The following WSB1 variants were observed in gnomAD, a reference collection of about 807,000 sequenced individuals.
WSB1 encodes the protein WD repeat and SOCS box-containing protein 1.
Under a neutral mutation model 50.2 loss-of-function variants are expected in WSB1, and 23 were observed. That is an observed-to-expected ratio of 0.46 (90% CI 0.33 to 0.65). WSB1 has a LOEUF of 0.65. Among genes scored for constraint, WSB1 ranks in the 30% least tolerant of loss-of-function variants. The probability of loss-of-function intolerance (pLI) is 0.02; values close to 1 mark genes in which losing one functional copy is unlikely to be tolerated. For synonymous variants in WSB1, 179 were observed against 172.0 expected, an observed-to-expected ratio of 1.04 and a Z score of -0.32; for missense variants, 492 against 522.3, an observed-to-expected ratio of 0.94 and a Z score of 0.56.
intron 3 of WSB1, among the ~76,000 whole-genome samples, chr17:27,303,966 C>G (rs754966191): frequency 3.0e-4 from 45 of 152,038 alleles, no homozygotes; most frequent in Non-Finnish European, 5.7e-4. Context: ...TATGCTTTTT[C>G]AATGATTGAT....
In WSB1 at chr17:27,294,809, T is replaced by C. The variant is rs191737087; in HGVS notation, c.40+374T>C. 7.0e-4 allele frequency among the ~76,000 whole-genome samples: 107 copies of C among 152,174 alleles called. 1 individual carries two copies. The highest frequency in any genetic ancestry group is 1.2e-3 in the Non-Finnish European group (82 of 67,986). ...TTTACAATGGGGAAAAGTAAACTTGTGGGTTGTAAGCGGTAATGAAAGGAG... is the reference window on the plus strand; with the variant it reads ...TTTACAATGGGGAAAAGTAAACTTGCGGGTTGTAAGCGGTAATGAAAGGAG... On this transcript the variant is annotated intron_variant, in intron 1 of 8. Transcript: ENST00000262394.
intron 2 of WSB1, 78 bp downstream of exon 2, chr17:27,302,034 A>T: frequency 1.4e-6 from 2 of 1,405,294 alleles, no homozygotes; most frequent in South Asian, 3.1e-5. Context: ...TAATAAAAAC[A>T]TTTTGATATT....
rs1049159131 is a variant in WSB1 at position 27,313,231 on chromosome 17, G to A, written c.*862G>A. 13 of 151,432 alleles carry A rather than the reference G, an allele frequency of 8.6e-5. No individual in the cohort carries two copies. The highest frequency in any genetic ancestry group is 1.3e-4 in the Non-Finnish European group (9 of 67,890). 9.4% of individuals were successfully genotyped at this position (151,432 alleles called of 1,614,324 possible). A position where few individuals can be genotyped will look rare whatever the true frequency, so the allele number is the denominator to read the frequency against. On this transcript the variant is annotated 3_prime_UTR_variant, in exon 9 of 9. Coordinates refer to ENST00000262394, the MANE Select transcript of WSB1 (RefSeq NM_015626.10). ...AACAACAACAAAGAAGGCAGAGCCA[G>A]GATATAACTAGAAAAAGGATGTCTT...
chr17:27,313,820 T>G lies in WSB1; in HGVS notation c.*1451T>G, dbSNP rs566852908. 2 of 152,276 alleles carry G rather than the reference T, an allele frequency of 1.3e-5. No homozygotes were observed. Among genetic ancestry groups the G allele is most frequent in the South Asian group, 4.1e-4 (2 of 4,824 alleles). 9.4% of individuals were successfully genotyped at this position (152,276 alleles called of 1,614,324 possible). ...GCAGCAGCTCTTATGGTGGTTTTGT[T>G]TTTAGGAGAACTGTTGTAATAATGC... is the stretch of plus-strand genomic sequence containing the variant. On this transcript the variant is annotated 3_prime_UTR_variant, in exon 9 of 9. Coordinates refer to ENST00000262394, the MANE Select transcript of WSB1 (RefSeq NM_015626.10).
intron 4 of WSB1, among the ~76,000 whole-genome samples, chr17:27,306,099 A>C (rs2017440872): frequency 6.6e-6 from 1 of 152,126 alleles, no homozygotes; most frequent in African/African-American, 2.4e-5. Context: ...TCAAAAATGA[A>C]GAATGAAAAG....
At chr17:27,296,856 T>A (rs568482164) in intron 1 of WSB1, among the ~76,000 whole-genome samples, 8 of 152,280 alleles carry the variant, frequency 5.3e-5, no homozygotes, top group African/African-American at 1.2e-4. Flanking sequence ...AACTTAAAAA[T>A]TTTTTTTCAA....
intron 5 of WSB1, 80 bp downstream of exon 5, chr17:27,306,962 C>A: frequency 7.3e-7 from 1 of 1,361,382 alleles, no homozygotes; most frequent in Non-Finnish European, 1.0e-6. Flanking sequence ...TCTAAGTAAC[C>A]TATGAAGTCT....
intron 3 of WSB1, 29 bp from the exon 4 acceptor site, chr17:27,304,751 C>CT (rs768229658): frequency 3.3e-5 from 53 of 1,599,888 alleles, no homozygotes; most frequent in African/African-American, 2.4e-4. Flanking sequence ...TTAATACTGT[C>CT]TTTTTTTTCC....
rs1171899070 is a variant in WSB1, at chr17:27,311,847, C to T, written c.1106+231C>T. Among the ~76,000 whole-genome samples, 10 of 151,912 alleles carry T rather than the reference C, an allele frequency of 6.6e-5. 1 individual carries two copies. In the South Asian group the frequency reaches 1.2e-3, roughly 19 times the overall value. On this transcript the variant is annotated intron_variant, in intron 8 of 8. Coordinates refer to ENST00000262394, the MANE Select transcript of WSB1 (RefSeq NM_015626.10). ...AGTAGGGTCGGGATTTCACCATGTT[C>T]GCCTGGCTGGTCTCAAACTCCTGAC...
At chr17:27,295,730 T>C (rs1260026399) in intron 1 of WSB1, among the ~76,000 whole-genome samples, 1 of 152,228 alleles carries the variant, frequency 6.6e-6, no homozygotes, top group African/African-American at 2.4e-5. Flanking sequence ...TTTCTTTTAC[T>C]TTAGTACACC....
rs1190099856 is a variant in WSB1 at position 27,294,333 on chromosome 17, C to T, written c.-63C>T. On this transcript the variant is annotated 5_prime_UTR_variant, in exon 1 of 9. Transcript: ENST00000262394. ...ACTTGGCGTCACGCCCCTCAGCGGTCGCCACTCTCTTCTCTGTTGTTGGGT... is the reference window on the plus strand; with the variant it reads ...ACTTGGCGTCACGCCCCTCAGCGGTTGCCACTCTCTTCTCTGTTGTTGGGT... The T allele has an allele frequency of 1.3e-6, 2 of 1,593,190 alleles. No homozygotes were observed. Among genetic ancestry groups the T allele is most frequent in the Non-Finnish European group, 1.7e-6 (2 of 1,165,462 alleles).
chr17:27,305,055 C>A (rs2017392629), intron 4 of WSB1, 144 bp downstream of exon 4: 1 of 989,056 alleles, frequency 1.0e-6, no homozygotes. Flanking sequence ...AGGTTCCTTT[C>A]CTGAATAGAT....
chr17:27,307,932 G>A (rs2017524334), intron 5 of WSB1: 4 of 1,248,680 alleles, frequency 3.2e-6, no homozygotes, highest in Non-Finnish European at 4.0e-6. Flanking sequence ...GCTGGTCGAT[G>A]TCCACTTTCT....
chr17:27,308,664 T>C, intron 5 of WSB1: 1 of 986,686 alleles, frequency 1.0e-6, no homozygotes, highest in Non-Finnish European at 1.2e-6. Context: ...GAGATGCCAA[T>C]GGAGTAACAA....
intron 4 of WSB1, among the ~76,000 whole-genome samples, chr17:27,306,083 AGGTTCTCAAAAATGAAGAATGAAAAG>A (rs1383780551): frequency 6.6e-6 from 1 of 151,614 alleles, no homozygotes; most frequent in African/African-American, 2.4e-5. Flanking sequence ...AGTGAGTTGT[AGGTTCTCAAAAATGAAGAATGAAAAG>A]GCATTTTGAA....
Position 27,309,192 on chromosome 17 carries a change from A to AGCATT in WSB1, c.805_809dup (p.Leu271HisfsTer23). On this transcript the variant is annotated frameshift_variant, in exon 6 of 9. Coordinates refer to ENST00000262394, the MANE Select transcript of WSB1 (RefSeq NM_015626.10). LOFTEE classifies it high-confidence loss of function. ...TAGCTTGTGACTTTTCTCCTGATGG[A>AGCATT]GCATTACTGGCTACTGCATCTTATG... The AGCATT allele has an allele frequency of 1.9e-6, 3 of 1,613,554 alleles. No individual in the cohort carries two copies. Among genetic ancestry groups the AGCATT allele is most frequent in the Non-Finnish European group, 2.5e-6 (3 of 1,179,740 alleles).
chr17:27,301,985 ATC>A (rs1166429657), intron 2 of WSB1, 29 bp downstream of exon 2: 1 of 1,517,050 alleles, frequency 6.6e-7, no homozygotes, highest in Non-Finnish European at 8.8e-7. Flanking sequence ...TGTATTTTGT[ATC>A]TGTTTGTGGA....
chr17:27,298,554 A>T (rs1205528604), intron 1 of WSB1, among the ~76,000 whole-genome samples: 4 of 151,966 alleles, frequency 2.6e-5, no homozygotes, highest in Non-Finnish European at 4.4e-5. Flanking sequence ...GACCCTGTCT[A>T]TAAAAAATTG....
chr17:27,312,119 C>T, intron 8 of WSB1, 91 bp from the exon 9 acceptor site: 1 of 1,495,114 alleles, frequency 6.7e-7, no homozygotes, highest in Non-Finnish European at 8.9e-7. Flanking sequence ...GACTCCACTA[C>T]TCACATGTAT....
Sources: gnomAD v4.1 joint callset for allele counts (sites outside exome capture counted in the v4.1 genomes callset) on GRCh38, gnomAD v4.1.1 for gene constraint, MANE v1.5 for transcripts, NCBI Gene and HGNC (gene_info 2026-07-23, HGNC 2026-07-21) for gene names.